Variants in FBXW8 observed in about 807,000 individuals in gnomAD.
FBXW8 encodes the protein F-box/WD repeat-containing protein 8.
A neutral mutation model predicts 65.3 loss-of-function variants in FBXW8; 57 were observed. The observed-to-expected ratio is 0.87, with a 90% CI of 0.71 to 1.09. The LOEUF is 1.09. Ranked by LOEUF, FBXW8 falls within the 50% of genes least tolerant of loss-of-function variation. The pLI is 0.00. For missense variants in FBXW8, 777 were observed against 814.8 expected (o/e 0.95, Z 0.57); for synonymous variants, 308 against 330.2 (o/e 0.93, Z 0.73).
chr12:116,930,908 C>T (rs1216729833), intron 2 of FBXW8, among the ~76,000 whole-genome samples: 4 of 152,184 alleles, frequency 2.6e-5, no homozygotes, highest in Admixed American at 1.3e-4. Context: ...TTTGGGCTCA[C>T]GTGATTCTCC....
rs145995151 is a variant in FBXW8 at position 116,914,924 on chromosome 12, TATAA to T, written c.318+3575_318+3578del. 7.1e-3 allele frequency among the ~76,000 whole-genome samples: 1,087 copies of T among 152,352 alleles called. 9 individuals are homozygous for T. Among genetic ancestry groups the T allele is most frequent in the Non-Finnish European group, 0.012 (850 of 68,034 alleles). ...ACTTTGCAATCATTAGTAACACTGC[TATAA>T]ATAAAGTTATAATTCATTGTGTGCG... is the stretch of plus-strand genomic sequence containing the variant. On this transcript the variant is annotated intron_variant, in intron 1 of 10. Transcript: ENST00000652555.
chr12:116,990,265 C>T (rs1471291139), intron 7 of FBXW8, among the ~76,000 whole-genome samples: 1 of 152,212 alleles, frequency 6.6e-6, no homozygotes, highest in Non-Finnish European at 1.5e-5. Flanking sequence ...GTGCTGCAAA[C>T]TTTATCATCT....
Position 117,029,419 on chromosome 12 carries a change from C to CT in FBXW8, c.*1248dup, listed in dbSNP as rs1437757323. 1.3e-5 allele frequency: 2 copies of CT among 152,048 alleles called. No individual in the cohort carries two copies. Among genetic ancestry groups the CT allele is most frequent in the Non-Finnish European group, 2.9e-5 (2 of 68,016 alleles). 9.4% of individuals were successfully genotyped at this position (152,048 alleles called of 1,614,324 possible). ...AAAAACAAACTATAAACTCTCTAGA[C>CT]TGGGCTGACAGTAAAAGCACAGAAT... On this transcript the variant is annotated 3_prime_UTR_variant, in exon 11 of 11. Coordinates refer to ENST00000652555, the MANE Select transcript of FBXW8 (RefSeq NM_153348.3).
intron 7 of FBXW8, among the ~76,000 whole-genome samples, chr12:116,999,329 T>C (rs1310650681): frequency 2.0e-5 from 3 of 152,202 alleles, no homozygotes; most frequent in East Asian, 3.9e-4. Context: ...AGGAGAACTG[T>C]GCCAGGGACG....
intron 2 of FBXW8, among the ~76,000 whole-genome samples, chr12:116,934,822 A>G (rs569522845): frequency 1.2e-4 from 18 of 152,242 alleles, no homozygotes; most frequent in Non-Finnish European, 1.8e-4. Flanking sequence ...TTGTGAATCT[A>G]TGGAACTTTA....
At chr12:116,945,244 A>G (rs1882851048) in intron 2 of FBXW8, 120 bp from the exon 3 acceptor site, 1 of 907,284 alleles carries the variant, frequency 1.1e-6, no homozygotes, top group Non-Finnish European at 1.6e-6. Context: ...TGTTTTGTTA[A>G]TGAGACATTT....
rs57687048 is a variant in FBXW8 at position 116,915,640 on chromosome 12, C to CTT, written c.318+4312_318+4313dup. Among the ~76,000 whole-genome samples, 725 of 77,178 alleles carry CTT rather than the reference C, an allele frequency of 9.4e-3. 42 individuals carry two copies. Among genetic ancestry groups the CTT allele is most frequent in the South Asian group, 0.024 (46 of 1,900 alleles). 50.6% of individuals were successfully genotyped at this position (77,178 alleles called of 152,430 possible). A position where few individuals can be genotyped will look rare whatever the true frequency, so the allele number is the denominator to read the frequency against. Reference sequence around the variant, plus strand: ...CCAAGGGTAACCACTCACCTGACTACTTTTTTTTTTTTTTTTTTTTTTTTT... The same window carrying CTT: ...CCAAGGGTAACCACTCACCTGACTACTTTTTTTTTTTTTTTTTTTTTTTTTTT... On this transcript the variant is annotated intron_variant, in intron 1 of 10. Transcript: ENST00000652555.
chr12:116,930,510 GTTGT>G (rs764356095), intron 2 of FBXW8, among the ~76,000 whole-genome samples: 9 of 152,126 alleles, frequency 5.9e-5, no homozygotes, highest in Non-Finnish European at 1.2e-4. Flanking sequence ...TTGCTATTGA[GTTGT>G]TTGAGTTCCT....
At chr12:116,962,074 A>C (rs527245938) in intron 4 of FBXW8, among the ~76,000 whole-genome samples, 4 of 152,214 alleles carry the variant, frequency 2.6e-5, no homozygotes, top group African/African-American at 7.2e-5. Context: ...TGTACCAGTG[A>C]CCTGGGACTG....
intron 7 of FBXW8, among the ~76,000 whole-genome samples, chr12:117,007,271 A>C (rs961017718): frequency 1.3e-5 from 2 of 152,174 alleles, no homozygotes; most frequent in African/African-American, 4.8e-5. Context: ...GAAAAAAAAA[A>C]ACAGATGAAT....
chr12:116,984,376 A>G (rs556511147), intron 5 of FBXW8, among the ~76,000 whole-genome samples: 2 of 152,264 alleles, frequency 1.3e-5, no homozygotes, highest in East Asian at 1.9e-4. Context: ...TGTGTGAAAG[A>G]GGAATTAATC....
At chr12:116,965,889 G>T (rs561935783) in intron 5 of FBXW8, among the ~76,000 whole-genome samples, 1 of 151,148 alleles carries the variant, frequency 6.6e-6, no homozygotes, top group South Asian at 2.1e-4. Flanking sequence ...CTCCTGAGTA[G>T]CTGGGACTAC....
intron 6 of FBXW8, 144 bp downstream of exon 6, chr12:116,985,546 A>G: frequency 1.3e-6 from 1 of 752,802 alleles, no homozygotes; most frequent in Non-Finnish European, 2.1e-6. Flanking sequence ...ACAGCCTTAC[A>G]AAATAGGTAG....
At chr12:117,007,190 C>A (rs1953695647) in intron 7 of FBXW8, among the ~76,000 whole-genome samples, 2 of 151,740 alleles carry the variant, frequency 1.3e-5, no homozygotes, top group African/African-American at 4.8e-5. Context: ...TCAGATACAT[C>A]AGAATCATTG....
intron 3 of FBXW8, among the ~76,000 whole-genome samples, chr12:116,946,168 A>C (rs779239272): frequency 3.3e-5 from 5 of 152,198 alleles, no homozygotes; most frequent in Non-Finnish European, 5.9e-5. Flanking sequence ...GGGAGGCTGG[A>C]GATTCAATGG....
At chr12:117,005,755 G>A (rs1201009076) in intron 7 of FBXW8, among the ~76,000 whole-genome samples, 1 of 152,202 alleles carries the variant, frequency 6.6e-6, no homozygotes, top group East Asian at 1.9e-4. Flanking sequence ...GAGAGCAGGC[G>A]GTTTAACTGC....
chr12:116,955,122 T>C (rs1883561542), intron 4 of FBXW8, among the ~76,000 whole-genome samples: 1 of 150,592 alleles, frequency 6.6e-6, no homozygotes, highest in African/African-American at 2.4e-5. Context: ...GAGCCAAGTG[T>C]GTAAGAAAGG....
chr12:116,919,337 C>T (rs1565896763), intron 1 of FBXW8, among the ~76,000 whole-genome samples: 1 of 152,132 alleles, frequency 6.6e-6, no homozygotes, highest in Non-Finnish European at 1.5e-5. Context: ...TCAAGCAGAC[C>T]TGAGTTCAGA....
chr12:117,024,772 G>T (rs987255503), intron 9 of FBXW8, among the ~76,000 whole-genome samples: 1 of 151,960 alleles, frequency 6.6e-6, no homozygotes, highest in Non-Finnish European at 1.5e-5. Context: ...TCCTCCACTC[G>T]AGTCCGTCAT....
Sources: allele counts gnomAD v4.1 joint callset (sites outside exome capture counted in the v4.1 genomes callset), GRCh38; gene constraint gnomAD v4.1.1; transcripts MANE v1.5; gene names NCBI Gene and HGNC (gene_info 2026-07-23, HGNC 2026-07-21).